GSG1L: variants seen among roughly 807,000 people sequenced by gnomAD.
The protein encoded by GSG1L is germ cell-specific gene 1-like protein.
In GSG1L, 24 loss-of-function variants were observed where a neutral mutation model predicts 42.1. The ratio of observed to expected loss-of-function variants is 0.57; its 90% confidence interval spans 0.41 to 0.80. The LOEUF is 0.80. Ranked by LOEUF, GSG1L falls within the 30% of genes least tolerant of loss-of-function variation. GSG1L has a pLI of 0.00. For synonymous variants in GSG1L, 215 were observed against 203.5 expected (o/e 1.06, Z -0.48); for missense variants, 445 against 472.2 (o/e 0.94, Z 0.53).
intron 2 of GSG1L, among the ~76,000 whole-genome samples, chr16:27,925,419 T>C (rs1308523570): frequency 6.6e-6 from 1 of 152,060 alleles, no homozygotes; most frequent in Non-Finnish European, 1.5e-5. Flanking sequence ...AAGGCGAGGC[T>C]AGGTTGAGGA....
intron 1 of GSG1L, among the ~76,000 whole-genome samples, chr16:28,061,927 G>A (rs985204772): frequency 6.6e-6 from 1 of 152,200 alleles, no homozygotes; most frequent in Non-Finnish European, 1.5e-5. Context: ...TTTTCACTGG[G>A]TTCGCTTCAC....
chr16:27,909,874 T>C (rs1257257384), intron 2 of GSG1L, among the ~76,000 whole-genome samples: 3 of 151,912 alleles, frequency 2.0e-5, no homozygotes, highest in Non-Finnish European at 4.4e-5. Flanking sequence ...CCCATTTCAT[T>C]GTTAAGAACA....
At chr16:27,851,819 C>T (rs937236491) in intron 3 of GSG1L, among the ~76,000 whole-genome samples, 7 of 152,154 alleles carry the variant, frequency 4.6e-5, no homozygotes, top group African/African-American at 7.2e-5. Context: ...AATGCCAACC[C>T]GAGATGCCAC....
chr16:27,905,898 G>T (rs1212339386), intron 2 of GSG1L, among the ~76,000 whole-genome samples: 1 of 151,968 alleles, frequency 6.6e-6, no homozygotes, highest in Non-Finnish European at 1.5e-5. Flanking sequence ...TTGACCAAAA[G>T]GATCCTGGCT....
chr16:27,941,773 T>C (rs1338591976), intron 2 of GSG1L, among the ~76,000 whole-genome samples: 1 of 151,486 alleles, frequency 6.6e-6, no homozygotes, highest in Non-Finnish European at 1.5e-5. Context: ...CATATTAGCC[T>C]TAGGAAGAAA....
intron 3 of GSG1L, among the ~76,000 whole-genome samples, chr16:27,849,203 GAAA>G (rs1203275567): frequency 6.3e-5 from 5 of 79,926 alleles, no homozygotes; most frequent in Admixed American, 2.9e-4. Flanking sequence ...ATCCCAAAAA[GAAA>G]AAAAAAAAAA....
At chr16:27,819,466 ACTTGTCTCAGAAGTCC>A (rs2083128778) in intron 5 of GSG1L, among the ~76,000 whole-genome samples, 1 of 152,146 alleles carries the variant, frequency 6.6e-6, no homozygotes, top group Admixed American at 6.5e-5. Flanking sequence ...TCCAGACAGG[ACTTGTCTCAGAAGTCC>A]CTTTCAGCAC....
intron 6 of GSG1L, among the ~76,000 whole-genome samples, chr16:27,803,160 G>T (rs753783695): frequency 2.6e-5 from 4 of 151,758 alleles, no homozygotes; most frequent in African/African-American, 9.7e-5. Context: ...CCTCTCCCCC[G>T]GTCCTCACTC....
At chr16:27,882,345 G>A (rs1457044582) in intron 3 of GSG1L, among the ~76,000 whole-genome samples, 1 of 152,080 alleles carries the variant, frequency 6.6e-6, no homozygotes, top group South Asian at 2.1e-4. Context: ...GTCTTTACTA[G>A]CAGCATGAGA....
At chr16:28,051,551 G>T (rs1293810230) in intron 1 of GSG1L, among the ~76,000 whole-genome samples, 1 of 152,162 alleles carries the variant, frequency 6.6e-6, no homozygotes, top group African/African-American at 2.4e-5. Flanking sequence ...ATAAGGTGGG[G>T]AGGTGACTGC....
chr16:27,855,276 A>C (rs1034668063), intron 3 of GSG1L, among the ~76,000 whole-genome samples: 1 of 152,174 alleles, frequency 6.6e-6, no homozygotes, highest in African/African-American at 2.4e-5. Flanking sequence ...GGTGAGAATG[A>C]AAGTGGGCTG....
At chr16:28,030,781 G>C (rs894770177) in intron 1 of GSG1L, among the ~76,000 whole-genome samples, 1 of 138,684 alleles carries the variant, frequency 7.2e-6, no homozygotes, top group Admixed American at 7.2e-5. Flanking sequence ...GATGGGATGG[G>C]ATGGGATGGG....
At chr16:27,792,469 C>A (rs1234881600) in intron 6 of GSG1L, among the ~76,000 whole-genome samples, 1 of 152,172 alleles carries the variant, frequency 6.6e-6, no homozygotes, top group African/African-American at 2.4e-5. Flanking sequence ...CCCTTGTCAC[C>A]CCTCAAGTGT....
chr16:27,839,721 T>A (rs2083357475), intron 4 of GSG1L, among the ~76,000 whole-genome samples: 1 of 152,238 alleles, frequency 6.6e-6, no homozygotes, highest in African/African-American at 2.4e-5. Flanking sequence ...CAGGAACAGA[T>A]CTTCCAATGA....
At chr16:28,000,095 G>A (rs867061394) in intron 1 of GSG1L, among the ~76,000 whole-genome samples, 1 of 152,196 alleles carries the variant, frequency 6.6e-6, no homozygotes, top group Non-Finnish European at 1.5e-5. Flanking sequence ...TAAGAGACGA[G>A]TTCAACCTCA....
intron 2 of GSG1L, among the ~76,000 whole-genome samples, chr16:27,892,994 A>G (rs1439615884): frequency 2.0e-5 from 3 of 152,194 alleles, no homozygotes; most frequent in African/African-American, 7.2e-5. Flanking sequence ...ACAGGAAGTC[A>G]GAACAGACCA....
intron 1 of GSG1L, among the ~76,000 whole-genome samples, chr16:28,014,654 ATTTTT>A (rs3033619): frequency 2.7e-5 from 2 of 73,452 alleles, no homozygotes; most frequent in African/African-American, 5.2e-5. Flanking sequence ...CAGGCACGCT[ATTTTT>A]TTTTTTTTTT....
Position 27,900,931 on chromosome 16 carries a change from C to G in GSG1L, c.398-16293G>C, listed in dbSNP as rs367611222. Among the ~76,000 whole-genome samples the G allele has an allele frequency of 3.9e-5, 6 of 151,952 alleles. No homozygotes were observed. In the South Asian group the frequency reaches 1.2e-3, roughly 32 times the overall value. On this transcript the variant is annotated intron_variant, in intron 2 of 6. Coordinates refer to ENST00000447459, the MANE Select transcript of GSG1L (RefSeq NM_001109763.2). ...TCATCTGAGGTCAGGAGTTCAAGAC[C>G]AGCCTGGCCAAAATGATGAAACCCT...
chr16:27,870,276 CATCT>C (rs1382278204), intron 3 of GSG1L, among the ~76,000 whole-genome samples: 1 of 146,080 alleles, frequency 6.8e-6, no homozygotes, highest in Non-Finnish European at 1.5e-5. Flanking sequence ...TCTCTCTCTC[CATCT>C]TTCTGTCTCT....
Sources: allele counts gnomAD v4.1 joint callset (sites outside exome capture counted in the v4.1 genomes callset), GRCh38; gene constraint gnomAD v4.1.1; transcripts MANE v1.5; gene names NCBI Gene and HGNC (gene_info 2026-07-23, HGNC 2026-07-21).